The following ATP11B variants were observed in gnomAD, a reference collection of about 807,000 sequenced individuals.
ATP11B encodes ATPase phospholipid transporting 11B (putative).
A neutral mutation model predicts 157.8 loss-of-function variants in ATP11B; 81 were observed. The observed-to-expected ratio is 0.51, with a 90% confidence interval of 0.43 to 0.62. The LOEUF (loss-of-function observed/expected upper bound fraction) is 0.62, where lower values mean the gene tolerates loss of function less well. ATP11B is among the 20% of genes least tolerant of loss of function. The pLI, the probability that ATP11B is intolerant of heterozygous loss-of-function variation, is 0.00. For missense variants in ATP11B, 1,165 were observed against 1,402.2 expected, an observed-to-expected ratio of 0.83 and a Z score of 2.70; for synonymous variants, 451 against 469.4, an observed-to-expected ratio of 0.96 and a Z score of 0.51.
intron 29 of ATP11B, chr3:182,916,201 T>C (rs1172521711): frequency 6.1e-6 from 6 of 985,202 alleles, no homozygotes; most frequent in Non-Finnish European, 7.2e-6. Flanking sequence ...TTGTGAAATG[T>C]GTTGGGCATT....
intron 13 of ATP11B, 28 bp from the exon 14 acceptor site, chr3:182,866,240 A>G (rs769165880): frequency 3.3e-5 from 48 of 1,463,380 alleles, no homozygotes; most frequent in South Asian, 1.4e-4. Context: ...TGATATTTTT[A>G]TCATGAATAT....
At chr3:182,888,054 A>G (rs1349612672) in intron 24 of ATP11B, among the ~76,000 whole-genome samples, 1 of 152,162 alleles carries the variant, frequency 6.6e-6, no homozygotes, top group Non-Finnish European at 1.5e-5. Flanking sequence ...GTTTTTTTCT[A>G]CTATTAGCGA....
intron 7 of ATP11B, among the ~76,000 whole-genome samples, chr3:182,838,598 C>A (rs1340162453): frequency 6.6e-6 from 1 of 151,948 alleles, no homozygotes; most frequent in African/African-American, 2.4e-5. Flanking sequence ...TCTTTGAATG[C>A]CATTTTTATT....
intron 24 of ATP11B, 40 bp from the exon 25 acceptor site, chr3:182,889,370 A>C: frequency 1.4e-6 from 2 of 1,395,304 alleles, no homozygotes; most frequent in Non-Finnish European, 1.9e-6. Context: ...CAAATAATAA[A>C]TGATCCCTAA....
At position 182,896,716 on chromosome 3, in the gene ATP11B, C is replaced by A. The variant is rs763831092; in HGVS notation, c.2999C>A (p.Thr1000Lys). 1 of 1,612,736 alleles carries A rather than the reference C, an allele frequency of 6.2e-7. No homozygotes were observed. Among genetic ancestry groups the A allele is most frequent in the Non-Finnish European group, 8.5e-7 (1 of 1,179,012 alleles). The change falls in exon 26 of 30, where the codon ACA becomes AAA. Residue 1000 changes from threonine (T) to lysine (K), a missense_variant. Thr to Lys is a moderately conservative substitution (Grantham distance 78). Transcript: ENST00000323116. ...TCTGTTTAGATGTTTGGAAACTGGA[C>A]ATTTGGCACTTTGGTCTTCACAGTC... ...LGNGQMFGNW[T>K]FGTLVFTVMV...
chr3:182,904,611 C>A (rs1309029036), intron 28 of ATP11B, among the ~76,000 whole-genome samples: 2 of 152,056 alleles, frequency 1.3e-5, no homozygotes, highest in Non-Finnish European at 2.9e-5. Flanking sequence ...TGATTAAGGC[C>A]AGGCAGTGGC....
At chr3:182,886,784 CAAG>C (rs1049552280) in intron 23 of ATP11B, among the ~76,000 whole-genome samples, 13 of 152,110 alleles carry the variant, frequency 8.5e-5, no homozygotes, top group African/African-American at 2.9e-4. Context: ...ATTGAAAAAA[CAAG>C]AGCTTAATTA....
chr3:182,815,398 T>C (rs1035160208), intron 1 of ATP11B, among the ~76,000 whole-genome samples: 6 of 152,184 alleles, frequency 3.9e-5, no homozygotes, highest in African/African-American at 1.2e-4. Flanking sequence ...TTATTGAAAG[T>C]TTATGTCTAG....
chr3:182,859,728 A>C (rs1188676473), intron 12 of ATP11B, among the ~76,000 whole-genome samples: 1 of 152,122 alleles, frequency 6.6e-6, no homozygotes, highest in Non-Finnish European at 1.5e-5. Context: ...GATTGTTTTA[A>C]TATTGTTCAC....
At position 182,895,679 on chromosome 3, in the gene ATP11B, A is replaced by G. The variant is rs566978382; in HGVS notation, c.2983-1021A>G. Among the ~76,000 whole-genome samples the G allele has an allele frequency of 2.6e-5, 4 of 152,308 alleles. No individual in the cohort carries two copies. The East Asian group carries it at 5.8e-4, about 22-fold the overall frequency. On this transcript the variant is annotated intron_variant, in intron 25 of 29. Transcript: ENST00000323116. ...ACAGCATGCAGGCTTTTTGTCTAGC[A>G]TAAAACCTACAGAAGTCAGGGACCA...
chr3:182,865,146 AT>A (rs1293812508), intron 12 of ATP11B, among the ~76,000 whole-genome samples: 2 of 152,160 alleles, frequency 1.3e-5, no homozygotes, highest in African/African-American at 2.4e-5. Flanking sequence ...ACTACTTAAA[AT>A]ACCTTAGCCA....
At chr3:182,905,863 A>G (rs1724308031) in intron 28 of ATP11B, 1 of 456,612 alleles carries the variant, frequency 2.2e-6, no homozygotes, top group Non-Finnish European at 4.4e-6. Flanking sequence ...AGGGGAGGAC[A>G]GTAGGCACCT....
intron 20 of ATP11B, among the ~76,000 whole-genome samples, chr3:182,880,608 T>C (rs1165852376): frequency 6.6e-6 from 1 of 152,146 alleles, no homozygotes; most frequent in Non-Finnish European, 1.5e-5. Context: ...CTATTAAACC[T>C]TCTAAATATT....
At chr3:182,819,148 C>T (rs1717159883) in intron 1 of ATP11B, among the ~76,000 whole-genome samples, 1 of 147,106 alleles carries the variant, frequency 6.8e-6, no homozygotes, top group Admixed American at 6.9e-5. Context: ...GCGATTTCGG[C>T]TCACTGCAAG....
intron 8 of ATP11B, among the ~76,000 whole-genome samples, chr3:182,845,009 T>TTTA (rs1560081884): frequency 8.0e-5 from 9 of 112,086 alleles, no homozygotes; most frequent in South Asian, 5.4e-4. Context: ...TTTTTTTATT[T>TTTA]TTTTTTATTT....
chr3:182,846,298 G>GAA (rs78436523), intron 9 of ATP11B, among the ~76,000 whole-genome samples: 5 of 137,378 alleles, frequency 3.6e-5, no homozygotes, highest in African/African-American at 8.0e-5. Flanking sequence ...CATATGTCGA[G>GAA]AAAAAAAAAA....
At chr3:182,831,196 A>G (rs1226075954) in intron 4 of ATP11B, among the ~76,000 whole-genome samples, 1 of 152,126 alleles carries the variant, frequency 6.6e-6, no homozygotes, top group African/African-American at 2.4e-5. Flanking sequence ...CAAAAACTAT[A>G]CTACTAGTTC....
rs140513401 is a variant in ATP11B, at chr3:182,835,427, C to T, written c.316-608C>T. Among the ~76,000 whole-genome samples the T allele has an allele frequency of 5.7e-4, 86 of 152,180 alleles. 1 individual carries two copies. In the East Asian group the frequency reaches 0.015, roughly 27 times the overall value. The stretch of plus-strand genomic sequence containing the variant: ...TAGAAACAATAGAATTTAGTGATTG[C>T]ATAGATGTTAGGAAAAGGGTAGGAA... On this transcript the variant is annotated intron_variant, in intron 4 of 29. Coordinates refer to ENST00000323116, the MANE Select transcript of ATP11B (RefSeq NM_014616.3).
rs1226456870 is a variant in ATP11B, at chr3:182,814,207, G to A, written c.28-6053G>A. 1.1e-4 allele frequency among the ~76,000 whole-genome samples: 16 copies of A among 152,110 alleles called. No homozygotes were observed. In the East Asian group the frequency reaches 2.9e-3, roughly 28 times the overall value. ...GCCTCACAAGTAGGTGGGATTACAG[G>A]CACGCACCACCACACCCGGCTAATT... On this transcript the variant is annotated intron_variant, in intron 1 of 29. Coordinates refer to ENST00000323116, the MANE Select transcript of ATP11B (RefSeq NM_014616.3).
Sources: gnomAD v4.1 joint callset for allele counts (sites outside exome capture counted in the v4.1 genomes callset) on GRCh38, gnomAD v4.1.1 for gene constraint, MANE v1.5 for transcripts, NCBI Gene and HGNC (gene_info 2026-07-23, HGNC 2026-07-21) for gene names.